Variants in SGCZ observed in about 807,000 individuals in gnomAD.
SGCZ encodes the protein zeta-sarcoglycan.
SGCZ carries 40 observed loss-of-function variants against 41.3 expected under a neutral mutation model. The ratio of observed to expected loss-of-function variants is 0.97; its 90% CI spans 0.75 to 1.26. The LOEUF (loss-of-function observed/expected upper bound fraction) is 1.26. Among genes scored for constraint, SGCZ ranks in the 50% most tolerant of loss-of-function variants. SGCZ has a pLI of 0.00. For synonymous variants in SGCZ, 206 were observed against 137.5 expected (o/e 1.50, Z -3.49); for missense variants, 552 against 369.8 (o/e 1.49, Z -4.04).
intron 5 of SGCZ, among the ~76,000 whole-genome samples, chr8:14,154,391 CA>C (rs11312834): frequency 0.98 from 148,842 of 151,726 alleles, 73,046 homozygotes; most frequent in East Asian, 1. Flanking sequence ...ACAGCAACAA[CA>C]AAAAAAAACC....
intron 2 of SGCZ, among the ~76,000 whole-genome samples, chr8:14,529,486 G>A (rs1803058740): frequency 6.6e-6 from 1 of 152,138 alleles, no homozygotes; most frequent in Non-Finnish European, 1.5e-5. Flanking sequence ...CAAGCACAGG[G>A]CTGTCAACTT....
chr8:14,265,911 G>A (rs868077178), intron 3 of SGCZ, among the ~76,000 whole-genome samples: 22 of 151,904 alleles, frequency 1.4e-4, no homozygotes, highest in Middle Eastern at 3.4e-3. Flanking sequence ...TCAGGGAGAG[G>A]AGATTTGAAA....
At chr8:14,633,357 G>A (rs1806720700) in intron 1 of SGCZ, among the ~76,000 whole-genome samples, 1 of 151,848 alleles carries the variant, frequency 6.6e-6, no homozygotes, top group Admixed American at 6.6e-5. Flanking sequence ...TTGCTGCCCT[G>A]ATGAAATTTA....
intron 2 of SGCZ, among the ~76,000 whole-genome samples, chr8:14,543,384 C>T (rs932329069): frequency 6.6e-6 from 1 of 151,904 alleles, no homozygotes; most frequent in African/African-American, 2.4e-5. Context: ...TGTAACTCTG[C>T]TGAGTTCTTA....
chr8:14,570,620 A>G (rs899738884), intron 1 of SGCZ, among the ~76,000 whole-genome samples: 1 of 152,212 alleles, frequency 6.6e-6, no homozygotes, highest in Non-Finnish European at 1.5e-5. Flanking sequence ...GAATTTCTGA[A>G]GGAAATTGAT....
At chr8:14,171,944 TATATA>T (rs1172593163) in intron 4 of SGCZ, among the ~76,000 whole-genome samples, 2 of 152,176 alleles carry the variant, frequency 1.3e-5, no homozygotes, top group African/African-American at 4.8e-5. Context: ...AAAATCCTAT[TATATA>T]ACTGTTTCAT....
At chr8:14,668,769 T>C (rs1207184048) in intron 1 of SGCZ, among the ~76,000 whole-genome samples, 1 of 152,216 alleles carries the variant, frequency 6.6e-6, no homozygotes, top group East Asian at 1.9e-4. Flanking sequence ...GCAGGATTAT[T>C]ACTATTGCAT....
intron 1 of SGCZ, among the ~76,000 whole-genome samples, chr8:14,985,931 G>A (rs1801812983): frequency 6.6e-6 from 1 of 152,166 alleles, no homozygotes; most frequent in African/African-American, 2.4e-5. Flanking sequence ...GGTCTTTGGT[G>A]TGGGCTCCAA....
chr8:14,526,610 T>C (rs1802958071), intron 2 of SGCZ, among the ~76,000 whole-genome samples: 1 of 152,138 alleles, frequency 6.6e-6, no homozygotes, highest in African/African-American at 2.4e-5. Context: ...TACATATCTA[T>C]TTTTCATGTT....
At chr8:15,081,359 C>G (rs1000621509) in intron 1 of SGCZ, among the ~76,000 whole-genome samples, 202 of 152,216 alleles carry the variant, frequency 1.3e-3, no homozygotes, top group African/African-American at 4.8e-3. Context: ...AAGTTTTTCT[C>G]AATTTTTTAA....
chr8:14,492,930 C>T (rs887532850), intron 2 of SGCZ, among the ~76,000 whole-genome samples: 7 of 152,108 alleles, frequency 4.6e-5, no homozygotes, highest in African/African-American at 1.4e-4. Flanking sequence ...TTTACCTTCT[C>T]TATAGTTCTT....
intron 1 of SGCZ, among the ~76,000 whole-genome samples, chr8:14,933,082 A>G (rs979530057): frequency 2.6e-5 from 4 of 151,978 alleles, no homozygotes; most frequent in Admixed American, 2.6e-4. Flanking sequence ...TGAGGGCTGA[A>G]AAACTGTTTT....
At chr8:14,766,355 A>G (rs995684072) in intron 1 of SGCZ, among the ~76,000 whole-genome samples, 5 of 152,134 alleles carry the variant, frequency 3.3e-5, no homozygotes, top group African/African-American at 9.7e-5. Context: ...GCCAGATTGT[A>G]TATAATTCTG....
chr8:14,342,165 T>C (rs570740447), intron 2 of SGCZ, among the ~76,000 whole-genome samples: 43 of 152,268 alleles, frequency 2.8e-4, no homozygotes, highest in African/African-American at 9.6e-4. Context: ...ATTCCAGGTC[T>C]CAGATGGAGA....
chr8:14,124,935 A>G (rs900965766), intron 5 of SGCZ, among the ~76,000 whole-genome samples: 2 of 152,146 alleles, frequency 1.3e-5, no homozygotes, highest in African/African-American at 4.8e-5. Context: ...CTGATAAGCA[A>G]CTTCAGCAAT....
chr8:14,538,894 G>T (rs2117144921), intron 2 of SGCZ, among the ~76,000 whole-genome samples: 1 of 151,990 alleles, frequency 6.6e-6, no homozygotes, highest in African/African-American at 2.4e-5. Context: ...GGGTGGATTT[G>T]AAGTAGGTCA....
chr8:14,577,835 T>G (rs1804761967), intron 1 of SGCZ, among the ~76,000 whole-genome samples: 2 of 152,248 alleles, frequency 1.3e-5, no homozygotes, highest in South Asian at 2.1e-4. Flanking sequence ...TCTTAATGAT[T>G]GATCATATTT....
chr8:15,122,966 G>A (rs140474899), intron 1 of SGCZ, among the ~76,000 whole-genome samples: 1 of 152,134 alleles, frequency 6.6e-6, no homozygotes, highest in Non-Finnish European at 1.5e-5. Flanking sequence ...GTCATATTAA[G>A]TCAAGGTCTA....
At chr8:14,418,549 A>T (rs1364941524) in intron 2 of SGCZ, among the ~76,000 whole-genome samples, 1 of 151,924 alleles carries the variant, frequency 6.6e-6, no homozygotes, top group East Asian at 1.9e-4. Context: ...GGTTTGTCTC[A>T]TTGTTTTACC....
Sources: gnomAD v4.1 joint callset for allele counts (sites outside exome capture counted in the v4.1 genomes callset) on GRCh38, gnomAD v4.1.1 for gene constraint, MANE v1.5 for transcripts, NCBI Gene and HGNC (gene_info 2026-07-23, HGNC 2026-07-21) for gene names.